Variants in DNAH9 observed in about 807,000 individuals in gnomAD.
DNAH9 encodes the protein dynein axonemal heavy chain 9.
In DNAH9, 345 loss-of-function variants were observed where a neutral mutation model predicts 471.6. The observed-to-expected ratio is 0.73, with a 90% confidence interval of 0.67 to 0.80. The LOEUF is 0.80. Ranked by LOEUF, DNAH9 falls within the 30% of genes least tolerant of loss-of-function variation. DNAH9 has a pLI of 0.00. For missense variants in DNAH9, 5,407 were observed against 5,609.2 expected, an observed-to-expected ratio of 0.96 and a Z score of 1.15; for synonymous variants, 2,093 against 2,123.6, an observed-to-expected ratio of 0.99 and a Z score of 0.40.
At chr17:11,713,888 T>C (rs2074915441) in intron 26 of DNAH9, among the ~76,000 whole-genome samples, 1 of 152,118 alleles carries the variant, frequency 6.6e-6, no homozygotes, top group Non-Finnish European at 1.5e-5. Flanking sequence ...ACTACTCAAG[T>C]TTAGTTACTA....
At chr17:11,963,692 GA>G (rs1210840485) in intron 68 of DNAH9, among the ~76,000 whole-genome samples, 1 of 152,082 alleles carries the variant, frequency 6.6e-6, no homozygotes, top group East Asian at 1.9e-4. Flanking sequence ...AAAAGGAAAA[GA>G]GATGGAAAAT....
intron 43 of DNAH9, among the ~76,000 whole-genome samples, chr17:11,800,962 TA>T (rs1233951291): frequency 2.0e-5 from 3 of 152,174 alleles, no homozygotes; most frequent in Non-Finnish European, 4.4e-5. Flanking sequence ...AGGGTGATCC[TA>T]ATTATAACTA....
In DNAH9 at chr17:11,941,740, T is replaced by TAGA. The variant is rs1567565671; in HGVS notation, c.12661-563_12661-562insAGA. ...GATAGATAGATAGATAGATAGATAG[T>TAGA]GATAGATTAGATAGATGGATAGATG... On this transcript the variant is annotated intron_variant, in intron 66 of 68. Coordinates refer to ENST00000262442, the MANE Select transcript of DNAH9 (RefSeq NM_001372.4). Among the ~76,000 whole-genome samples the TAGA allele has an allele frequency of 3.3e-3, 488 of 146,826 alleles. 2 individuals carry two copies. The highest frequency in any genetic ancestry group is 0.012 in the African/African-American group (459 of 39,364).
chr17:11,708,159 C>T (rs1290493233), intron 26 of DNAH9, among the ~76,000 whole-genome samples: 2 of 152,100 alleles, frequency 1.3e-5, no homozygotes. Flanking sequence ...GAATGTAAAC[C>T]TCTAGCAATC....
chr17:11,952,584 G>C (rs138274941), intron 67 of DNAH9, among the ~76,000 whole-genome samples: 1 of 152,184 alleles, frequency 6.6e-6, no homozygotes, highest in African/African-American at 2.4e-5. Flanking sequence ...TAAGGCCAAG[G>C]ACAATGGATA....
At chr17:11,751,286 TATTA>T (rs1567773998) in intron 32 of DNAH9, among the ~76,000 whole-genome samples, 1 of 151,934 alleles carries the variant, frequency 6.6e-6, no homozygotes, top group Non-Finnish European at 1.5e-5. Context: ...GCAAGAATAA[TATTA>T]ATATCAACTT....
intron 28 of DNAH9, among the ~76,000 whole-genome samples, chr17:11,734,501 G>T (rs992295622): frequency 6.6e-6 from 1 of 152,194 alleles, no homozygotes; most frequent in Non-Finnish European, 1.5e-5. Flanking sequence ...GGAAAACACC[G>T]CTGAGGACTG....
chr17:11,620,311 G>A (rs570004651), intron 6 of DNAH9, among the ~76,000 whole-genome samples: 6 of 151,890 alleles, frequency 4.0e-5, no homozygotes, highest in African/African-American at 7.2e-5. Flanking sequence ...TCAGGAGTTC[G>A]AGACCAGTCT....
intron 1 of DNAH9, among the ~76,000 whole-genome samples, chr17:11,602,109 ATTTT>A (rs367956951): frequency 6.7e-6 from 1 of 150,044 alleles, no homozygotes; most frequent in Non-Finnish European, 1.5e-5. Context: ...TGAAACTTGG[ATTTT>A]TTTTTTGACT....
Position 11,711,940 on chromosome 17 carries a change from GTATATATATTTA to G in DNAH9, c.5552+6762_5552+6773del, listed in dbSNP as rs2074841140. On this transcript the variant is annotated intron_variant, in intron 26 of 68. Coordinates refer to ENST00000262442, the MANE Select transcript of DNAH9 (RefSeq NM_001372.4). ...TATTTATATATAAATATATATATTT[GTATATATATTTA>G]TATATAAATATATATATTTGTATAT... 7.3e-4 allele frequency among the ~76,000 whole-genome samples: 2 copies of G among 2,734 alleles called. 1 individual carries two copies. Among genetic ancestry groups the G allele is most frequent in the African/African-American group, 1.7e-3 (2 of 1,162 alleles). 1.8% of individuals were successfully genotyped at this position (2,734 alleles called of 152,430 possible). A position where few individuals can be genotyped will look rare whatever the true frequency, so the allele number is the denominator to read the frequency against.
chr17:11,628,371 T>A (rs1220843487), intron 6 of DNAH9, among the ~76,000 whole-genome samples: 1 of 152,212 alleles, frequency 6.6e-6, no homozygotes, highest in Non-Finnish European at 1.5e-5. Context: ...CCTGGGACAC[T>A]GCCACATTAA....
At position 11,669,741 on chromosome 17, in the gene DNAH9, T is replaced by C. The variant is rs1298501387; in HGVS notation, c.3300T>C (p.Ile1100=). ...TTAAGGCATCTCTGCTGAATATTAT[T>C]AAGAGGTGGAGCCTCCTGTTCAAAC... The part of the protein sequence containing the change: ...RPFKASLLNI[I]KRWSLLFKQH... The change falls in exon 17 of 69, where the codon ATT becomes ATC. Residue 1100 remains isoleucine, a synonymous_variant. Coordinates refer to ENST00000262442, the MANE Select transcript of DNAH9 (RefSeq NM_001372.4). 1.9e-6 allele frequency: 3 copies of C among 1,614,210 alleles called. No homozygotes were observed. In the South Asian group the frequency reaches 3.3e-5, roughly 18 times the overall value.
At chr17:11,921,231 G>GA (rs1230945943) in intron 61 of DNAH9, among the ~76,000 whole-genome samples, 2 of 145,718 alleles carry the variant, frequency 1.4e-5, no homozygotes, top group East Asian at 4.3e-4. Flanking sequence ...TGAAAAAAAA[G>GA]AAAAAAAGGT....
At chr17:11,687,591 C>G (rs113060078) in intron 19 of DNAH9, among the ~76,000 whole-genome samples, 2 of 152,062 alleles carry the variant, frequency 1.3e-5, no homozygotes, top group Non-Finnish European at 2.9e-5. Context: ...TGGGAGGAAA[C>G]GGCCGATTCT....
chr17:11,821,992 G>A lies in DNAH9; in HGVS notation c.8780G>A (p.Ser2927Asn). The A allele has an allele frequency of 6.2e-7, 1 of 1,614,182 alleles. No individual in the cohort carries two copies. Among genetic ancestry groups the A allele is most frequent in the Non-Finnish European group, 8.5e-7 (1 of 1,180,014 alleles). ...IISNVRNEVK[S>N]QGLVDNRENC... ...AGCAATGTGAGGAATGAAGTCAAGAGCCAGGGTCTGGTTGACAACAGAGAG... is the reference window on the plus strand; with the variant it reads ...AGCAATGTGAGGAATGAAGTCAAGAACCAGGGTCTGGTTGACAACAGAGAG... Residue 2927 changes from serine (S) to asparagine (N), a missense_variant, in exon 46 of 69, where the codon AGC becomes AAC. By Grantham distance (46) the Ser-to-Asn change is conservative (BLOSUM62 1). Around this residue, in one of 3 missense-constraint regions of DNAH9, gnomAD observed 4,636 missense variants for 4,900.3 expected, o/e 0.95. Transcript: ENST00000262442.
intron 62 of DNAH9, 111 bp downstream of exon 62, chr17:11,924,052 C>T (rs185311716): frequency 2.1e-6 from 3 of 1,411,032 alleles, no homozygotes; most frequent in Admixed American, 2.2e-5. Flanking sequence ...CTTTCACACT[C>T]TTGTCCCCTT....
At chr17:11,877,236 G>A in intron 53 of DNAH9, among the ~76,000 whole-genome samples, 1 of 151,468 alleles carries the variant, frequency 6.6e-6, no homozygotes, top group East Asian at 1.9e-4. Context: ...ACTTTGGGAG[G>A]CCGAGGCGAG....
At chr17:11,964,217 C>T (rs571936119) in intron 68 of DNAH9, among the ~76,000 whole-genome samples, 12 of 152,164 alleles carry the variant, frequency 7.9e-5, no homozygotes, top group Non-Finnish European at 1.5e-4. Flanking sequence ...TGAACATTTG[C>T]ACAAGATTCT....
At chr17:11,742,083 G>A (rs1215441990) in intron 29 of DNAH9, 92 bp from the exon 30 acceptor site, 6 of 1,185,704 alleles carry the variant, frequency 5.1e-6, no homozygotes, top group Non-Finnish European at 7.4e-6. Context: ...ATGCCTCCAT[G>A]TGTGATCTCG....
Sources: gnomAD v4.1 joint callset for allele counts (sites outside exome capture counted in the v4.1 genomes callset) on GRCh38, gnomAD v4.1.1 for gene constraint, gnomAD v4.1.1 regional missense constraint, MANE v1.5 for transcripts, NCBI Gene and HGNC (gene_info 2026-07-23, HGNC 2026-07-21) for gene names.